Variants in MACF1 observed in about 807,000 individuals in gnomAD.
MACF1 encodes the protein microtubule actin crosslinking factor 1, also known as microtubule-actin cross-linking factor 1.
Under a neutral mutation model 854.8 loss-of-function variants are expected in MACF1, and 193 were observed. The ratio of observed to expected loss-of-function variants is 0.23; its 90% CI spans 0.20 to 0.25. The LOEUF (loss-of-function observed/expected upper bound fraction) is 0.25, where lower values mean the gene tolerates loss of function less well. MACF1 is among the 10% of genes least tolerant of loss of function. The pLI is 1.00. For missense variants in MACF1, 7,722 were observed against 8,929.1 expected (o/e 0.86, Z 5.45); for synonymous variants, 3,185 against 3,226.7 (o/e 0.99, Z 0.44).
chr1:39,263,748 T>TTCTTTCA (rs1455977200), intron 6 of MACF1, among the ~76,000 whole-genome samples: 1 of 150,830 alleles, frequency 6.6e-6, no homozygotes, highest in Admixed American at 6.6e-5. Flanking sequence ...GGTATATCCT[T>TTCTTTCA]TCTTTCATCT....
At chr1:39,433,333 T>C (rs1255294165) in intron 68 of MACF1, among the ~76,000 whole-genome samples, 178 bp downstream of exon 68, 1 of 152,218 alleles carries the variant, frequency 6.6e-6, no homozygotes, top group East Asian at 1.9e-4. Flanking sequence ...TCCACAAATG[T>C]TTAAAACAGC....
At chr1:39,454,120 A>G (rs1003073903) in intron 88 of MACF1, among the ~76,000 whole-genome samples, 1 of 152,214 alleles carries the variant, frequency 6.6e-6, no homozygotes, top group African/African-American at 2.4e-5. Context: ...AACAGGATGT[A>G]CAGCTGACCC....
In MACF1 at chr1:39,333,588, G is replaced by C; in HGVS notation, c.7000G>C (p.Gly2334Arg). ...TATGGAGAAGCTGAACATGTTTCAGGGGTTCTTTGACTCTCAGACTTGTGA... is the reference window on the plus strand; with the variant it reads ...TATGGAGAAGCTGAACATGTTTCAGCGGTTCTTTGACTCTCAGACTTGTGA... ...KLMEKLNMFQ[G>R]FFDSQTCESL... Residue 2334 changes from glycine to arginine, a missense_variant, in exon 37 of 101, where the codon GGG becomes CGG. This residue lies in a region of MACF1 where 1,531 missense variants were observed against 1,601.6 expected (regional missense o/e 0.96). Transcript: ENST00000564288. The C allele has an allele frequency of 1.2e-6, 2 of 1,614,162 alleles. No homozygotes were observed. The highest frequency in any genetic ancestry group is 4.5e-5 in the East Asian group (2 of 44,888).
At chr1:39,343,111 C>T (rs1180556037) in intron 40 of MACF1, among the ~76,000 whole-genome samples, 3 of 152,102 alleles carry the variant, frequency 2.0e-5, no homozygotes, top group African/African-American at 2.4e-5. Context: ...GAGAAAAGAC[C>T]ATGAGACACA....
At chr1:39,090,213 C>A (rs1641770344) in intron 2 of MACF1, among the ~76,000 whole-genome samples, 1 of 152,220 alleles carries the variant, frequency 6.6e-6, no homozygotes, top group African/African-American at 2.4e-5. Flanking sequence ...TGAGGCTCTT[C>A]GAGTTTTGTA....
intron 2 of MACF1, among the ~76,000 whole-genome samples, chr1:39,120,648 C>T (rs1344856853): frequency 6.6e-6 from 1 of 152,196 alleles, no homozygotes; most frequent in Non-Finnish European, 1.5e-5. Flanking sequence ...AGGTGTGAGC[C>T]ACCACACCCG....
rs746061973 is a variant in MACF1 at position 39,430,830 on chromosome 1, C to T, written c.17259C>T (p.Asn5753=). The change falls in exon 66 of 101, where the codon AAC becomes AAT. Residue 5753 remains asparagine (N), a synonymous_variant. Transcript: ENST00000564288. ...EGLDKLVSDA[N]EQYKLVSDTI... ...TGGATAAACTTGTGTCCGATGCTAA[C>T]GAGCAGTACAAACTAGTCAGTGACA... 20 of 1,612,606 alleles carry T rather than the reference C, an allele frequency of 1.2e-5. No homozygotes were observed. The highest frequency in any genetic ancestry group is 1.1e-4 in the South Asian group (10 of 91,018).
chr1:39,312,806 C>T (rs182635876), intron 26 of MACF1, among the ~76,000 whole-genome samples: 1 of 152,278 alleles, frequency 6.6e-6, no homozygotes, highest in East Asian at 1.9e-4. Context: ...GCCTGGGCAA[C>T]AGAGCAAACC....
chr1:39,232,859 T>C (rs1644799922), intron 2 of MACF1, among the ~76,000 whole-genome samples: 3 of 151,714 alleles, frequency 2.0e-5, no homozygotes, highest in South Asian at 4.2e-4. Context: ...CACAGCTCAC[T>C]GCAGCCCTAA....
chr1:39,321,109 C>T (rs1024819185), intron 31 of MACF1, among the ~76,000 whole-genome samples: 2 of 152,192 alleles, frequency 1.3e-5, no homozygotes, highest in East Asian at 3.8e-4. Flanking sequence ...AAAACAATGG[C>T]AAGTACATAG....
intron 47 of MACF1, among the ~76,000 whole-genome samples, chr1:39,360,015 AT>A (rs1647998023): frequency 6.9e-4 from 22 of 31,944 alleles, no homozygotes; most frequent in Non-Finnish European, 8.6e-4. Flanking sequence ...AAAAAAAAAT[AT>A]ATATATATAT....
At chr1:39,382,216 T>G in intron 56 of MACF1, 64 bp downstream of exon 56, 1 of 1,452,960 alleles carries the variant, frequency 6.9e-7, no homozygotes, top group South Asian at 1.2e-5. Context: ...TTTCTCCCAG[T>G]AAGTAGATTT....
At chr1:39,466,581 A>T (rs1644672838) in intron 95 of MACF1, among the ~76,000 whole-genome samples, 1 of 152,158 alleles carries the variant, frequency 6.6e-6, no homozygotes, top group African/African-American at 2.4e-5. Context: ...ATCCAGAGAA[A>T]ACCCTTTGCA....
chr1:39,325,168 T>C (rs1051327937), intron 35 of MACF1, among the ~76,000 whole-genome samples: 3 of 152,224 alleles, frequency 2.0e-5, no homozygotes, highest in South Asian at 4.1e-4. Context: ...TTAGAAACCA[T>C]GTGGGTAGAT....
chr1:39,327,460 G>A, intron 36 of MACF1, 107 bp downstream of exon 36: 2 of 1,232,590 alleles, frequency 1.6e-6, no homozygotes, highest in Non-Finnish European at 2.2e-6. Flanking sequence ...TGACCAATGT[G>A]ACTTAATTTT....
At chr1:39,191,527 T>A (rs1206340192) in intron 2 of MACF1, among the ~76,000 whole-genome samples, 2 of 152,240 alleles carry the variant, frequency 1.3e-5, no homozygotes, top group Non-Finnish European at 2.9e-5. Flanking sequence ...GCTGTCGTTT[T>A]CCTCATCCAC....
In MACF1 at chr1:39,153,189, G is replaced by C. The variant is rs533278978; in HGVS notation, c.220+68751G>C. 1.9e-4 allele frequency among the ~76,000 whole-genome samples: 29 copies of C among 152,248 alleles called. No individual in the cohort carries two copies. In the South Asian group the frequency reaches 5.4e-3, roughly 28 times the overall value. ...CTCTCTGCTAGAGATCTATAACCTTGTTCCAGTGGAAGGTGACTCTTACCT... is the reference window on the plus strand; with the variant it reads ...CTCTCTGCTAGAGATCTATAACCTTCTTCCAGTGGAAGGTGACTCTTACCT... On this transcript the variant is annotated intron_variant, in intron 2 of 93. Coordinates refer to the MACF1 transcript ENST00000361689.
At chr1:39,264,668 T>C (rs1188412481) in intron 6 of MACF1, among the ~76,000 whole-genome samples, 10 of 144,162 alleles carry the variant, frequency 6.9e-5, no homozygotes, top group Admixed American at 1.4e-4. Flanking sequence ...ATTTCTTTTT[T>C]TTTTTTTTTT....
At chr1:39,094,043 G>C (rs1037209262) in intron 2 of MACF1, among the ~76,000 whole-genome samples, 1 of 152,026 alleles carries the variant, frequency 6.6e-6, no homozygotes, top group Non-Finnish European at 1.5e-5. Flanking sequence ...CTCCCAAAGT[G>C]CTGGGATTAC....
Sources: allele counts gnomAD v4.1 joint callset (sites outside exome capture counted in the v4.1 genomes callset), GRCh38; gene constraint gnomAD v4.1.1; regional missense constraint gnomAD v4.1.1; transcripts MANE v1.5; gene names NCBI Gene and HGNC (gene_info 2026-07-23, HGNC 2026-07-21).